The following NUBPL variants were observed in gnomAD, a reference collection of about 807,000 sequenced individuals.
The protein encoded by NUBPL is iron-sulfur cluster transfer protein NUBPL.
A neutral mutation model predicts 45.7 loss-of-function variants in NUBPL; 31 were observed. That is an observed-to-expected ratio of 0.68 (90% CI 0.51 to 0.92). The LOEUF is 0.92. Among genes scored for constraint, NUBPL ranks in the 40% least tolerant of loss-of-function variants. The pLI is 0.00. For synonymous variants in NUBPL, 144 were observed against 140.9 expected (o/e 1.02, Z -0.15); for missense variants, 401 against 398.7 (o/e 1.01, Z -0.05).
intron 6 of NUBPL, among the ~76,000 whole-genome samples, chr14:31,786,862 CA>C (rs1053305632): frequency 6.6e-6 from 1 of 152,116 alleles, no homozygotes; most frequent in Non-Finnish European, 1.5e-5. Flanking sequence ...GAGTTTTAAA[CA>C]AAATGTAGCA....
At chr14:31,674,438 A>G (rs1410376364) in intron 6 of NUBPL, among the ~76,000 whole-genome samples, 2 of 152,096 alleles carry the variant, frequency 1.3e-5, no homozygotes. Context: ...TGCTGCTTGA[A>G]TTGTGATAAA....
chr14:31,802,628 G>C (rs538734334), intron 7 of NUBPL, among the ~76,000 whole-genome samples: 1 of 152,270 alleles, frequency 6.6e-6, no homozygotes, highest in African/African-American at 2.4e-5. Context: ...CTCCCCAGAA[G>C]TTGCTGCCAT....
rs184263660 is a variant in NUBPL, at chr14:31,754,967, C to T, written c.514-32813C>T. Among the ~76,000 whole-genome samples, 983 of 148,848 alleles carry T rather than the reference C, an allele frequency of 6.6e-3. 12 individuals carry two copies. The highest frequency in any genetic ancestry group is 0.023 in the African/African-American group (919 of 40,292). ...TGCAGTGTTCGGTTTTTTGTCCTTG[C>T]GATAGTTTACTGAAAATGATGATTT... On this transcript the variant is annotated intron_variant, in intron 6 of 10. Transcript: ENST00000281081.
At chr14:31,577,503 T>C (rs1035542940) in intron 3 of NUBPL, among the ~76,000 whole-genome samples, 2 of 152,346 alleles carry the variant, frequency 1.3e-5, no homozygotes, top group Admixed American at 1.3e-4. Context: ...AACCTCCACC[T>C]GCCAGTTTCA....
chr14:31,580,382 G>A lies in NUBPL; in HGVS notation c.291+15334G>A, dbSNP rs373837135. Among the ~76,000 whole-genome samples, 24 of 152,336 alleles carry A rather than the reference G, an allele frequency of 1.6e-4. No individual in the cohort carries two copies. In the East Asian group the frequency reaches 2.9e-3, roughly 18 times the overall value. The stretch of plus-strand genomic sequence containing the variant: ...TCATGCCTTTAATCCCAGCAACTTA[G>A]GAGGCTGAACTGGGAGAATTACTTC... On this transcript the variant is annotated intron_variant, in intron 3 of 10. Coordinates refer to ENST00000281081, the MANE Select transcript of NUBPL (RefSeq NM_025152.3).
At chr14:31,749,177 G>T (rs1448081280) in intron 6 of NUBPL, among the ~76,000 whole-genome samples, 1 of 152,064 alleles carries the variant, frequency 6.6e-6, no homozygotes, top group South Asian at 2.1e-4. Flanking sequence ...ATTGTTTTTT[G>T]ATTGTTTTGA....
intron 6 of NUBPL, among the ~76,000 whole-genome samples, chr14:31,752,431 C>G (rs2038552475): frequency 6.6e-6 from 1 of 152,194 alleles, no homozygotes. Flanking sequence ...GTTTAGAGAT[C>G]CCCAGATCTC....
At chr14:31,844,203 A>G (rs140764471) in intron 8 of NUBPL, 3 of 152,330 alleles carry the variant, frequency 2.0e-5, no homozygotes, top group African/African-American at 4.8e-5. Context: ...AAGAGATTCC[A>G]AGGTCAGAAT....
In NUBPL at chr14:31,817,189, A is replaced by G. The variant is rs559728812; in HGVS notation, c.608-9440A>G. Among the ~76,000 whole-genome samples, 3 of 152,060 alleles carry G rather than the reference A, an allele frequency of 2.0e-5. No homozygotes were observed. In the South Asian group the frequency reaches 6.2e-4, roughly 32 times the overall value. On this transcript the variant is annotated intron_variant, in intron 7 of 10. Coordinates refer to ENST00000281081, the MANE Select transcript of NUBPL (RefSeq NM_025152.3). ...AGAAACATGTGAAAAGACCAAACCT[A>G]CGTTTCATTGGTGTACCTGAAAGTG...
chr14:31,750,053 C>G (rs1438260127), intron 6 of NUBPL, among the ~76,000 whole-genome samples: 1 of 151,898 alleles, frequency 6.6e-6, no homozygotes, highest in African/African-American at 2.4e-5. Flanking sequence ...CTGTTTGGAC[C>G]TCTTCTATGA....
intron 6 of NUBPL, among the ~76,000 whole-genome samples, chr14:31,755,349 C>T (rs2038635323): frequency 6.6e-6 from 1 of 152,212 alleles, no homozygotes; most frequent in Non-Finnish European, 1.5e-5. Context: ...TCCACATCCT[C>T]TCCAGCACCT....
chr14:31,814,036 T>C (rs2039867801), intron 7 of NUBPL, among the ~76,000 whole-genome samples: 1 of 152,182 alleles, frequency 6.6e-6, no homozygotes, highest in Admixed American at 6.5e-5. Context: ...TTATAATCCT[T>C]TGGGTATATA....
At chr14:31,565,433 G>A (rs1419433523) in intron 3 of NUBPL, among the ~76,000 whole-genome samples, 1 of 152,126 alleles carries the variant, frequency 6.6e-6, no homozygotes, top group African/African-American at 2.4e-5. Flanking sequence ...TGGAATACGT[G>A]TGTAATGCAA....
intron 6 of NUBPL, among the ~76,000 whole-genome samples, chr14:31,755,561 T>G (rs2038641106): frequency 6.6e-6 from 1 of 151,958 alleles, no homozygotes; most frequent in Non-Finnish European, 1.5e-5. Flanking sequence ...TTTTTTCTTG[T>G]AAATTTGTTT....
chr14:31,729,275 TCCC>T (rs369958143), intron 6 of NUBPL, among the ~76,000 whole-genome samples: 4 of 55,584 alleles, frequency 7.2e-5, no homozygotes, highest in African/African-American at 1.6e-4. Context: ...AGATGCTCCA[TCCC>T]CCCCCCCCCC....
intron 6 of NUBPL, among the ~76,000 whole-genome samples, chr14:31,766,826 G>A (rs2038921107): frequency 6.6e-6 from 1 of 152,076 alleles, no homozygotes. Context: ...CCCCAAAAGG[G>A]GTTGTTGGCA....
intron 8 of NUBPL, among the ~76,000 whole-genome samples, chr14:31,827,350 TA>T (rs11451016): frequency 1.4e-3 from 193 of 139,480 alleles, no homozygotes; most frequent in South Asian, 2.3e-3. Context: ...TCTACAAAGT[TA>T]AAAAAAAAAA....
intron 3 of NUBPL, among the ~76,000 whole-genome samples, chr14:31,579,832 T>G (rs919220429): frequency 1.3e-5 from 2 of 152,228 alleles, no homozygotes; most frequent in East Asian, 3.8e-4. Flanking sequence ...ACTATTAATA[T>G]CTAGGGTGTT....
intron 3 of NUBPL, among the ~76,000 whole-genome samples, chr14:31,571,456 G>A (rs1052575648): frequency 6.9e-6 from 1 of 144,182 alleles, no homozygotes; most frequent in African/African-American, 2.4e-5. Flanking sequence ...CCAAGTGAGT[G>A]TCTTCTTCTT....
Sources: allele counts gnomAD v4.1 joint callset (sites outside exome capture counted in the v4.1 genomes callset), GRCh38; gene constraint gnomAD v4.1.1; transcripts MANE v1.5; gene names NCBI Gene and HGNC (gene_info 2026-07-23, HGNC 2026-07-21).